PXDNL: variants seen among roughly 807,000 people sequenced by gnomAD.
The protein encoded by PXDNL is probable oxidoreductase PXDNL.
A neutral mutation model predicts 150.8 loss-of-function variants in PXDNL; 145 were observed. The ratio of observed to expected loss-of-function variants is 0.96; its 90% CI spans 0.84 to 1.10. The LOEUF (loss-of-function observed/expected upper bound fraction) is 1.10. Among genes scored for constraint, PXDNL ranks in the 50% least tolerant of loss-of-function variants. PXDNL has a pLI of 0.00. For synonymous variants in PXDNL, 757 were observed against 725.7 expected, an observed-to-expected ratio of 1.04 and a Z score of -0.69; for missense variants, 2,087 against 1,873.9, an observed-to-expected ratio of 1.11 and a Z score of -2.10.
intron 1 of PXDNL, among the ~76,000 whole-genome samples, chr8:51,701,262 T>A (rs1354818531): frequency 6.6e-6 from 1 of 152,132 alleles, no homozygotes; most frequent in Non-Finnish European, 1.5e-5. Context: ...ATATTACAGG[T>A]GAAAATAAAA....
chr8:51,635,521 C>T (rs1432145671), intron 2 of PXDNL, among the ~76,000 whole-genome samples: 3 of 151,794 alleles, frequency 2.0e-5, no homozygotes, highest in African/African-American at 7.3e-5. Context: ...AAAGTGAAGA[C>T]AATACTACTG....
In PXDNL at chr8:51,358,601, C is replaced by A. The variant is rs149468485; in HGVS notation, c.3902-12654G>T. On this transcript the variant is annotated intron_variant, in intron 19 of 22. Transcript: ENST00000356297. ...GAGCTCAGGCCTTGATCAGCATGTACCTCAACCAAAGACAAGAGGAATGGT... is the reference window on the plus strand; with the variant it reads ...GAGCTCAGGCCTTGATCAGCATGTAACTCAACCAAAGACAAGAGGAATGGT... Among the ~76,000 whole-genome samples, 24 of 152,318 alleles carry A rather than the reference C, an allele frequency of 1.6e-4. No homozygotes were observed. In the East Asian group the frequency reaches 4.6e-3, roughly 29 times the overall value.
At chr8:51,630,129 C>T (rs1432974466) in intron 2 of PXDNL, among the ~76,000 whole-genome samples, 2 of 151,976 alleles carry the variant, frequency 1.3e-5, no homozygotes, top group African/African-American at 4.8e-5. Context: ...AAAAATAATG[C>T]CACACACTTA....
chr8:51,694,621 T>C (rs974521144), intron 1 of PXDNL, among the ~76,000 whole-genome samples: 4 of 152,208 alleles, frequency 2.6e-5, no homozygotes, highest in Admixed American at 2.6e-4. Context: ...GCAAGAGCAA[T>C]GAATTCTAAG....
At chr8:51,779,815 A>G (rs1374921933) in intron 1 of PXDNL, among the ~76,000 whole-genome samples, 1 of 152,226 alleles carries the variant, frequency 6.6e-6, no homozygotes, top group Non-Finnish European at 1.5e-5. Context: ...AACACAAGGC[A>G]GGCAGGGACA....
rs1364811685 is a variant in PXDNL at position 51,534,209 on chromosome 8, G to C, written c.380+22631C>G. On this transcript the variant is annotated intron_variant, in intron 4 of 22. Coordinates refer to ENST00000356297, the MANE Select transcript of PXDNL (RefSeq NM_144651.5). ...TGGGAGGTGAGGAGCGTCTCTGCCC[G>C]GCCGCCCCGTCTGAGAAGTAAGGAA... Among the ~76,000 whole-genome samples, 7 of 137,824 alleles carry C rather than the reference G, an allele frequency of 5.1e-5. 1 individual carries two copies. The highest frequency in any genetic ancestry group is 2.3e-4 in the African/African-American group (7 of 30,222). 90.4% of individuals were successfully genotyped at this position (137,824 alleles called of 152,430 possible). A position where few individuals can be genotyped will look rare whatever the true frequency, so the allele number is the denominator to read the frequency against.
chr8:51,636,937 AC>A (rs35721240), intron 2 of PXDNL, among the ~76,000 whole-genome samples: 59,195 of 151,742 alleles, frequency 0.39, 14,289 homozygotes, highest in African/African-American at 0.69. Context: ...CTGGGAGGTA[AC>A]CCCCAGTAGG....
At chr8:51,659,453 C>T (rs1815222740) in intron 1 of PXDNL, among the ~76,000 whole-genome samples, 1 of 152,142 alleles carries the variant, frequency 6.6e-6, no homozygotes, top group South Asian at 2.1e-4. Context: ...GAGTTTCTAG[C>T]TCAAACTCAA....
chr8:51,321,274 TATAAA>T (rs1805305872), intron 21 of PXDNL, among the ~76,000 whole-genome samples: 1 of 152,220 alleles, frequency 6.6e-6, no homozygotes, highest in Non-Finnish European at 1.5e-5. Context: ...CCCAAGTTGT[TATAAA>T]ATAATATTTA....
At chr8:51,648,528 G>A (rs935864662) in intron 2 of PXDNL, among the ~76,000 whole-genome samples, 1 of 152,210 alleles carries the variant, frequency 6.6e-6, no homozygotes, top group Non-Finnish European at 1.5e-5. Flanking sequence ...CTGGAGGGAA[G>A]GCAGTCCTGC....
intron 17 of PXDNL, among the ~76,000 whole-genome samples, chr8:51,400,532 ACT>A (rs1808216334): frequency 6.6e-6 from 1 of 152,134 alleles, no homozygotes; most frequent in Admixed American, 6.5e-5. Context: ...ATTATTTTGC[ACT>A]CTGTTTTTGC....
At chr8:51,343,517 C>G (rs1379000604) in intron 20 of PXDNL, among the ~76,000 whole-genome samples, 1 of 152,170 alleles carries the variant, frequency 6.6e-6, no homozygotes, top group Non-Finnish European at 1.5e-5. Flanking sequence ...ATTAGCCAAT[C>G]TTTAGCTGAG....
At chr8:51,499,666 G>T (rs755311) in intron 5 of PXDNL, 33 bp downstream of exon 5, 910,953 of 1,526,728 alleles carry the variant, frequency 0.6, 281,248 homozygotes, top group East Asian at 0.63. Flanking sequence ...ATGTAAAGCA[G>T]AAGCAAAGGA....
intron 1 of PXDNL, among the ~76,000 whole-genome samples, chr8:51,802,587 G>A (rs1437286843): frequency 6.6e-6 from 1 of 152,186 alleles, no homozygotes; most frequent in African/African-American, 2.4e-5. Context: ...GACATCGCTG[G>A]TCTAGAGTTT....
At chr8:51,383,862 GATA>G (rs1807619965) in intron 17 of PXDNL, among the ~76,000 whole-genome samples, 1 of 152,172 alleles carries the variant, frequency 6.6e-6, no homozygotes, top group Non-Finnish European at 1.5e-5. Flanking sequence ...TAGAAGGAAG[GATA>G]ATAATAATAA....
At chr8:51,353,533 A>G (rs1806416014) in intron 19 of PXDNL, among the ~76,000 whole-genome samples, 2 of 152,056 alleles carry the variant, frequency 1.3e-5, no homozygotes, top group Admixed American at 1.3e-4. Flanking sequence ...CTCAGTAGCT[A>G]TTTTCTTTTA....
rs551607305 is a variant in PXDNL at position 51,488,814 on chromosome 8, A to G, written c.453-5100T>C. Among the ~76,000 whole-genome samples the G allele has an allele frequency of 9.2e-5, 14 of 152,336 alleles. 1 individual carries two copies. Among genetic ancestry groups the G allele is most frequent in the African/African-American group, 3.1e-4 (13 of 41,594 alleles). On this transcript the variant is annotated intron_variant, in intron 5 of 22. Transcript: ENST00000356297. The stretch of plus-strand genomic sequence containing the variant: ...GAGGTTAATTAGGAACATGAAAAAG[A>G]AAGGCCAAGATTTTCAAAAAGGAAA...
chr8:51,776,405 C>T (rs1362510489), intron 1 of PXDNL, among the ~76,000 whole-genome samples: 3 of 152,124 alleles, frequency 2.0e-5, no homozygotes, highest in Non-Finnish European at 1.5e-5. Flanking sequence ...ATGTCTGCCC[C>T]GGACACCCAG....
chr8:51,592,562 A>T, intron 3 of PXDNL, 65 bp downstream of exon 3: 1 of 1,013,164 alleles, frequency 9.9e-7, no homozygotes, highest in Admixed American at 2.6e-5. Context: ...AAGTAAACAC[A>T]CACAAAAAAG....
Sources: allele counts gnomAD v4.1 joint callset (sites outside exome capture counted in the v4.1 genomes callset), GRCh38; gene constraint gnomAD v4.1.1; transcripts MANE v1.5; gene names NCBI Gene and HGNC (gene_info 2026-07-23, HGNC 2026-07-21).